PDE1A: variants seen among roughly 807,000 people sequenced by gnomAD.
PDE1A encodes the protein phosphodiesterase 1A.
Under a neutral mutation model 61.7 loss-of-function variants are expected in PDE1A, and 35 were observed. The ratio of observed to expected loss-of-function variants is 0.57; its 90% CI spans 0.43 to 0.75. The LOEUF is 0.75. PDE1A is among the 30% of genes least tolerant of loss of function. PDE1A has a pLI of 0.00. For synonymous variants in PDE1A, 232 were observed against 213.2 expected, an observed-to-expected ratio of 1.09 and a Z score of -0.77; for missense variants, 597 against 630.6, an observed-to-expected ratio of 0.95 and a Z score of 0.57.
chr2:182,576,799 A>G, the PDE1A span, among the ~76,000 whole-genome samples: 1 of 152,158 alleles, frequency 6.6e-6, no homozygotes, highest in Non-Finnish European at 1.5e-5. Flanking sequence ...TCACCAGTAG[A>G]TAGAAGATGG....
chr2:182,659,076 TA>T, the PDE1A span, among the ~76,000 whole-genome samples: 1 of 152,186 alleles, frequency 6.6e-6, no homozygotes, highest in African/African-American at 2.4e-5. Context: ...AATTAAATTT[TA>T]AAAGTTACCT....
At chr2:182,403,531 G>T (rs936441051) in intron 1 of PDE1A, among the ~76,000 whole-genome samples, 6 of 150,780 alleles carry the variant, frequency 4.0e-5, no homozygotes, top group Non-Finnish European at 7.4e-5. Flanking sequence ...CCCGGGAGGC[G>T]GAGCTTGCAG....
At chr2:182,577,532 G>C in the PDE1A span, among the ~76,000 whole-genome samples, 1 of 152,210 alleles carries the variant, frequency 6.6e-6, no homozygotes, top group Non-Finnish European at 1.5e-5. Flanking sequence ...ACTTCTGACA[G>C]AATGTCACTG....
At chr2:182,298,325 G>A (rs952341437) in intron 1 of PDE1A, among the ~76,000 whole-genome samples, 1 of 152,136 alleles carries the variant, frequency 6.6e-6, no homozygotes, top group African/African-American at 2.4e-5. Flanking sequence ...CTCAGGGCAA[G>A]GTGCAAAGAC....
chr2:182,143,540 G>A (rs545202114), downstream of PDE1A, among the ~76,000 whole-genome samples: 4 of 151,694 alleles, frequency 2.6e-5, no homozygotes, highest in South Asian at 2.1e-4. Flanking sequence ...TTGGTGAGAC[G>A]AGTCTCACTC....
intron 2 of PDE1A, among the ~76,000 whole-genome samples, chr2:182,433,306 T>C (rs1482983931): frequency 6.6e-6 from 1 of 152,140 alleles, no homozygotes; most frequent in African/African-American, 2.4e-5. Context: ...GCTCCTCCTC[T>C]GGGATTTCAG....
At chr2:182,439,041 G>C (rs1054860132) in intron 2 of PDE1A, among the ~76,000 whole-genome samples, 1 of 151,926 alleles carries the variant, frequency 6.6e-6, no homozygotes, top group African/African-American at 2.4e-5. Flanking sequence ...ATAGTACATA[G>C]GTTATAGTGC....
At chr2:182,281,104 G>C (rs1286785293) in intron 1 of PDE1A, among the ~76,000 whole-genome samples, 1 of 151,954 alleles carries the variant, frequency 6.6e-6, no homozygotes, top group Non-Finnish European at 1.5e-5. Context: ...AGTCCATTTA[G>C]ATAGTAGGAA....
intron 2 of PDE1A, among the ~76,000 whole-genome samples, chr2:182,467,625 G>GA (rs1686758847): frequency 6.6e-6 from 1 of 151,830 alleles, no homozygotes; most frequent in Non-Finnish European, 1.5e-5. Flanking sequence ...AATACCACTT[G>GA]AAAACAGAGA....
At chr2:182,648,392 C>A in the PDE1A span, among the ~76,000 whole-genome samples, 103 of 151,380 alleles carry the variant, frequency 6.8e-4, no homozygotes, top group East Asian at 0.016. Flanking sequence ...TAAGTCCAGG[C>A]TGGGCACAGT....
chr2:182,707,490 AG>A, the PDE1A span, among the ~76,000 whole-genome samples: 1 of 152,210 alleles, frequency 6.6e-6, no homozygotes, highest in South Asian at 2.1e-4. Context: ...AAGATAATAA[AG>A]GAACTGTGAG....
At chr2:182,604,041 T>C in the PDE1A span, among the ~76,000 whole-genome samples, 1 of 152,146 alleles carries the variant, frequency 6.6e-6, no homozygotes, top group African/African-American at 2.4e-5. Flanking sequence ...AAAAAATTCA[T>C]ACACTTTTCC....
the PDE1A span, among the ~76,000 whole-genome samples, chr2:182,632,615 G>A: frequency 6.6e-6 from 1 of 152,038 alleles, no homozygotes; most frequent in Admixed American, 6.6e-5. Context: ...TGCCCCACTG[G>A]GTTCTAGACT....
At chr2:182,149,438 A>G (rs1690661213) in intron 13 of PDE1A, among the ~76,000 whole-genome samples, 2 of 152,218 alleles carry the variant, frequency 1.3e-5, no homozygotes, top group African/African-American at 2.4e-5. Flanking sequence ...AGCAACAATT[A>G]AAAACTATGA....
chr2:182,172,917 C>T (rs1180117213), intron 13 of PDE1A, among the ~76,000 whole-genome samples: 1 of 151,982 alleles, frequency 6.6e-6, no homozygotes, highest in African/African-American at 2.4e-5. Context: ...ATGACCTTGT[C>T]CACTGATCTT....
intron 13 of PDE1A, among the ~76,000 whole-genome samples, chr2:182,152,814 A>C (rs1335849012): frequency 2.0e-5 from 3 of 152,198 alleles, no homozygotes; most frequent in African/African-American, 7.2e-5. Context: ...CAGTAAGAGA[A>C]GACAGGACTG....
the PDE1A span, among the ~76,000 whole-genome samples, chr2:182,690,240 T>C: frequency 6.6e-6 from 1 of 152,166 alleles, no homozygotes; most frequent in African/African-American, 2.4e-5. Flanking sequence ...AATAAAATTT[T>C]AGACCAATAT....
chr2:182,413,623 A>G (rs966617516), intron 1 of PDE1A, among the ~76,000 whole-genome samples: 2 of 152,240 alleles, frequency 1.3e-5, no homozygotes, highest in Non-Finnish European at 2.9e-5. Context: ...TGTTCCTCTA[A>G]GCAATATTTC....
At chr2:182,248,661 CAT>C (rs1314449229) in intron 2 of PDE1A, among the ~76,000 whole-genome samples, 2 of 152,170 alleles carry the variant, frequency 1.3e-5, no homozygotes, top group Non-Finnish European at 2.9e-5. Flanking sequence ...CTCTTACAAT[CAT>C]ATGTCAGTGA....
Sources: gnomAD v4.1 joint callset for allele counts (sites outside exome capture counted in the v4.1 genomes callset) on GRCh38, gnomAD v4.1.1 for gene constraint, MANE v1.5 for transcripts, NCBI Gene and HGNC (gene_info 2026-07-23, HGNC 2026-07-21) for gene names.